The following PIP5K1C variants were observed in gnomAD, a reference collection of about 807,000 sequenced individuals.
PIP5K1C encodes phosphatidylinositol 4-phosphate 5-kinase type-1 gamma.
PIP5K1C carries 45 observed loss-of-function variants against 80.1 expected under a neutral mutation model. The ratio of observed to expected loss-of-function variants is 0.56; its 90% CI spans 0.44 to 0.72. PIP5K1C has a LOEUF of 0.72. PIP5K1C is among the 30% of genes least tolerant of loss of function. The pLI is 0.00. For synonymous variants in PIP5K1C, 498 were observed against 420.1 expected, an observed-to-expected ratio of 1.19 and a Z score of -2.27; for missense variants, 753 against 954.6, an observed-to-expected ratio of 0.79 and a Z score of 2.78.
chr19:3,634,225 G>A (rs1252116546), intron 16 of PIP5K1C, among the ~76,000 whole-genome samples: 2 of 152,070 alleles, frequency 1.3e-5, no homozygotes, highest in African/African-American at 4.8e-5. Context: ...CCCAGGTCTG[G>A]GTGGGATCTG....
At chr19:3,681,096 C>T (rs2035576187) in intron 1 of PIP5K1C, among the ~76,000 whole-genome samples, 1 of 152,116 alleles carries the variant, frequency 6.6e-6, no homozygotes, top group Non-Finnish European at 1.5e-5. Context: ...CATCTGCACA[C>T]ACAAGAACCC....
intron 6 of PIP5K1C, among the ~76,000 whole-genome samples, chr19:3,656,044 T>C (rs901742535): frequency 2.6e-5 from 4 of 152,212 alleles, no homozygotes; most frequent in African/African-American, 4.8e-5. Context: ...CTTGGGCCCC[T>C]TGGGCCTCCG....
At chr19:3,647,241 GGCACTCACAGA>G in intron 10 of PIP5K1C, 86 bp downstream of exon 10, 1 of 1,078,402 alleles carries the variant, frequency 9.3e-7, no homozygotes, top group African/African-American at 1.7e-5. Context: ...GGAGGGTGCA[GGCACTCACAGA>G]GGGAGGAGGG....
intron 1 of PIP5K1C, chr19:3,674,209 C>CT (rs1211699817): frequency 6.6e-6 from 1 of 152,250 alleles, no homozygotes; most frequent in East Asian, 1.9e-4. Flanking sequence ...AGCCATGGAA[C>CT]TAACCCCAGG....
Position 3,692,061 on chromosome 19 carries a change from G to A in PIP5K1C, c.94+8236C>T, listed in dbSNP as rs1268856036. Among the ~76,000 whole-genome samples the A allele has an allele frequency of 6.6e-6, 1 of 152,200 alleles. No homozygotes were observed. Among genetic ancestry groups the A allele is most frequent in the Admixed American group, 6.5e-5 (1 of 15,282 alleles). ...ACGGGAAGGGTGCACAGTGGGAGCT[G>A]CCCGCTCACGTCCCTGTCCCCACTC... On this transcript the variant is annotated intron_variant, in intron 1 of 17. Coordinates refer to ENST00000335312, the MANE Select transcript of PIP5K1C (RefSeq NM_012398.3). This position sits in a 1 kb window ranked among gnomAD's most constrained non-coding sequence, Gnocchi z 5.2.
chr19:3,660,513 T>C (rs1047406004), intron 5 of PIP5K1C, among the ~76,000 whole-genome samples: 2 of 152,178 alleles, frequency 1.3e-5, no homozygotes, highest in Admixed American at 1.3e-4. Flanking sequence ...ATTTTGACTT[T>C]GCTAACCTGA....
chr19:3,677,060 C>G (rs2145554122), intron 1 of PIP5K1C, among the ~76,000 whole-genome samples: 1 of 151,868 alleles, frequency 6.6e-6, no homozygotes, highest in Admixed American at 6.6e-5. Flanking sequence ...TATGACTGCA[C>G]CACTGCACTC....
rs1366747142 is a variant in PIP5K1C at position 3,637,403 on chromosome 19, C to G, written c.1920+1481G>C. The G allele has an allele frequency of 6.5e-7, 1 of 1,535,434 alleles. No individual in the cohort carries two copies. The highest frequency in any genetic ancestry group is 8.7e-7 in the Non-Finnish European group (1 of 1,146,778). Reference sequence around the variant, plus strand: ...CCAGCGTGGCTGACCTCAATTGCAGCCGTGATTTACCCAAAGCCCTTCTGG... The same window carrying G: ...CCAGCGTGGCTGACCTCAATTGCAGGCGTGATTTACCCAAAGCCCTTCTGG... On this transcript the variant is annotated intron_variant, in intron 16 of 17. Transcript: ENST00000335312. The surrounding 1 kb of genome is among the most constrained non-coding windows in gnomAD (Gnocchi z 7.0).
chr19:3,678,617 G>T (rs2035486252), intron 1 of PIP5K1C, among the ~76,000 whole-genome samples: 2 of 131,022 alleles, frequency 1.5e-5, no homozygotes, highest in Admixed American at 7.4e-5. Flanking sequence ...GGTGGAAGGA[G>T]GGATGGAGAG....
chr19:3,677,404 G>A (rs2035392898), intron 1 of PIP5K1C, among the ~76,000 whole-genome samples: 1 of 152,020 alleles, frequency 6.6e-6, no homozygotes, highest in South Asian at 2.1e-4. Context: ...CCAACATGGT[G>A]AAACCCCGTC....
chr19:3,639,871 T>C (rs1310451857), intron 15 of PIP5K1C, among the ~76,000 whole-genome samples: 2 of 151,842 alleles, frequency 1.3e-5, no homozygotes, highest in Non-Finnish European at 2.9e-5. Context: ...GGAGAGGAGG[T>C]GAGGAACGGC....
chr19:3,666,610 C>G (rs1265626373), intron 2 of PIP5K1C, among the ~76,000 whole-genome samples: 1 of 151,960 alleles, frequency 6.6e-6, no homozygotes, highest in Admixed American at 6.6e-5. Context: ...CGTGCACACA[C>G]GCACGTAGGC....
chr19:3,657,605 C>T (rs147101144), intron 5 of PIP5K1C, among the ~76,000 whole-genome samples: 2 of 152,068 alleles, frequency 1.3e-5, no homozygotes, highest in East Asian at 3.9e-4. Flanking sequence ...GGGGTGTCCA[C>T]GAGAGTCAGG....
chr19:3,652,961 G>C (rs1233638764), intron 7 of PIP5K1C, among the ~76,000 whole-genome samples: 1 of 152,196 alleles, frequency 6.6e-6, no homozygotes, highest in African/African-American at 2.4e-5. Flanking sequence ...GCTGGGTCTG[G>C]GGACATGTTA....
chr19:3,677,091 G>C (rs981495882), intron 1 of PIP5K1C, among the ~76,000 whole-genome samples: 3 of 152,012 alleles, frequency 2.0e-5, no homozygotes, highest in Non-Finnish European at 4.4e-5. Flanking sequence ...AACAGAGCAA[G>C]ATCCTGTCTT....
chr19:3,635,164 C>A (rs1599914374), intron 16 of PIP5K1C, among the ~76,000 whole-genome samples: 1 of 152,264 alleles, frequency 6.6e-6, no homozygotes, highest in South Asian at 2.1e-4. Flanking sequence ...GTGGCAGCAG[C>A]CACCTCAGAG....
chr19:3,649,072 C>T (rs140265498), intron 8 of PIP5K1C, among the ~76,000 whole-genome samples: 10 of 149,060 alleles, frequency 6.7e-5, no homozygotes, highest in Admixed American at 3.4e-4. Flanking sequence ...CATGCCCACA[C>T]GTCCCCTGCC....
chr19:3,697,461 C>A (rs779188543), intron 1 of PIP5K1C, among the ~76,000 whole-genome samples: 28 of 149,662 alleles, frequency 1.9e-4, no homozygotes, highest in Non-Finnish European at 3.4e-4. Context: ...CCGAGCTGGA[C>A]CGAGGAGGAC....
chr19:3,682,918 G>C (rs2035630657), intron 1 of PIP5K1C, among the ~76,000 whole-genome samples: 1 of 151,496 alleles, frequency 6.6e-6, no homozygotes, highest in Non-Finnish European at 1.5e-5. Context: ...CAGAGGCCCA[G>C]ATGGAGAACA....
Sources: allele counts gnomAD v4.1 joint callset (sites outside exome capture counted in the v4.1 genomes callset), GRCh38; gene constraint gnomAD v4.1.1; non-coding constraint Gnocchi (gnomAD v3.1); transcripts MANE v1.5; gene names NCBI Gene and HGNC (gene_info 2026-07-23, HGNC 2026-07-21).